Variants in CCDC146 observed in about 807,000 individuals in gnomAD.
CCDC146 encodes the protein coiled-coil domain containing 146.
Under a neutral mutation model 119.3 loss-of-function variants are expected in CCDC146, and 92 were observed. The ratio of observed to expected loss-of-function variants is 0.77; its 90% CI spans 0.65 to 0.92. CCDC146 has a LOEUF of 0.92. Among genes scored for constraint, CCDC146 ranks in the 40% least tolerant of loss-of-function variants. The pLI is 0.00. For synonymous variants in CCDC146, 372 were observed against 371.8 expected (o/e 1.00, Z -0.01); for missense variants, 1,000 against 1,103.0 (o/e 0.91, Z 1.32).
At chr7:77,281,700 A>G (rs1032088184) in intron 14 of CCDC146, among the ~76,000 whole-genome samples, 9 of 152,232 alleles carry the variant, frequency 5.9e-5, no homozygotes, top group Non-Finnish European at 1.3e-4. Flanking sequence ...GTACAACCAC[A>G]TGCATGCATG....
intron 2 of CCDC146, among the ~76,000 whole-genome samples, chr7:77,201,616 T>A (rs1018581487): frequency 1.3e-4 from 19 of 144,366 alleles, no homozygotes; most frequent in Non-Finnish European, 1.2e-4. Context: ...AAAAAAAAAA[T>A]GCAGTGTATA....
chr7:77,139,853 A>G (rs937948658), intron 1 of CCDC146, among the ~76,000 whole-genome samples: 6 of 150,274 alleles, frequency 4.0e-5, no homozygotes, highest in African/African-American at 1.5e-4. Flanking sequence ...ACAAAAATCA[A>G]TTCTCTCCCC....
chr7:77,244,908 C>T (rs1363331239), intron 4 of CCDC146, among the ~76,000 whole-genome samples: 3 of 152,176 alleles, frequency 2.0e-5, no homozygotes, highest in Non-Finnish European at 4.4e-5. Context: ...ATTTGTCAGA[C>T]CAGCACAACA....
chr7:77,267,597 AT>A (rs1371925570), intron 9 of CCDC146, among the ~76,000 whole-genome samples: 1 of 151,118 alleles, frequency 6.6e-6, no homozygotes, highest in African/African-American at 2.4e-5. Flanking sequence ...TCACAAATAC[AT>A]TTCTTGTCCC....
chr7:77,221,723 C>T (rs576101980), intron 2 of CCDC146, among the ~76,000 whole-genome samples: 1 of 152,270 alleles, frequency 6.6e-6, no homozygotes, highest in Non-Finnish European at 1.5e-5. Context: ...GATTTCAACA[C>T]ATAAAAATAA....
chr7:77,191,383 C>T (rs941062179), intron 2 of CCDC146, among the ~76,000 whole-genome samples: 15 of 152,302 alleles, frequency 9.8e-5, no homozygotes, highest in Middle Eastern at 6.8e-3. Context: ...CCAATCATAA[C>T]TGTGGCCTCT....
intron 2 of CCDC146, among the ~76,000 whole-genome samples, chr7:77,178,798 G>A (rs1791538643): frequency 6.6e-6 from 1 of 152,152 alleles, no homozygotes; most frequent in Admixed American, 6.5e-5. Context: ...AGAGAAGGTT[G>A]GCTTTGGAAA....
intron 2 of CCDC146, among the ~76,000 whole-genome samples, chr7:77,235,261 T>C (rs1031212540): frequency 6.6e-6 from 1 of 152,208 alleles, no homozygotes; most frequent in African/African-American, 2.4e-5. Context: ...GTAAATTTAT[T>C]CTTGCAGATT....
At chr7:77,258,892 A>G in intron 6 of CCDC146, 103 bp from the exon 7 acceptor site, 1 of 733,428 alleles carries the variant, frequency 1.4e-6, no homozygotes, top group Non-Finnish European at 2.4e-6. Context: ...GATGGTAAGT[A>G]TCTACATATT....
intron 9 of CCDC146, among the ~76,000 whole-genome samples, chr7:77,273,231 T>C (rs1401758393): frequency 6.6e-6 from 1 of 152,216 alleles, no homozygotes; most frequent in African/African-American, 2.4e-5. Context: ...TGAGGGGTAT[T>C]GTAATGATGA....
intron 2 of CCDC146, among the ~76,000 whole-genome samples, chr7:77,221,899 C>T (rs1446891696): frequency 6.6e-6 from 1 of 152,134 alleles, no homozygotes; most frequent in Non-Finnish European, 1.5e-5. Context: ...TAAAAGGGCT[C>T]ATACCTGAGT....
intron 18 of CCDC146, among the ~76,000 whole-genome samples, chr7:77,294,435 G>A (rs1794005718): frequency 6.7e-6 from 1 of 149,760 alleles, no homozygotes; most frequent in African/African-American, 2.5e-5. Flanking sequence ...TGATGCTGAA[G>A]CAATACAGCC....
At chr7:77,277,640 C>T (rs1050284886) in intron 11 of CCDC146, among the ~76,000 whole-genome samples, 7 of 152,122 alleles carry the variant, frequency 4.6e-5, no homozygotes, top group African/African-American at 1.7e-4. Flanking sequence ...ATAGATGACA[C>T]TACATTTTCC....
Position 77,237,004 on chromosome 7 carries a change from A to T in CCDC146, c.214A>T (p.Thr72Ser), listed in dbSNP as rs1422033085. Reference protein sequence around the residue: ...TRMAALKAKYTLLHDAVMSTQ... With the variant: ...TRMAALKAKYSLLHDAVMSTQ... ...AATGGCAGCGTTAAAAGCCAAGTAT[A>T]CCTTGCTGCATGACGCCGTGATGAG... Residue 72 changes from threonine to serine, a missense_variant, in exon 3 of 19, where the codon ACC becomes TCC. By Grantham distance (58) the Thr-to-Ser change is moderately conservative. Coordinates refer to ENST00000285871, the MANE Select transcript of CCDC146 (RefSeq NM_020879.3). The T allele has an allele frequency of 6.2e-7, 1 of 1,614,102 alleles. No individual in the cohort carries two copies. Among genetic ancestry groups the T allele is most frequent in the East Asian group, 2.2e-5 (1 of 44,892 alleles).
At chr7:77,140,249 G>T (rs1584018817) in intron 1 of CCDC146, among the ~76,000 whole-genome samples, 2 of 151,926 alleles carry the variant, frequency 1.3e-5, no homozygotes, top group Non-Finnish European at 1.5e-5. Flanking sequence ...AAATCTTAAA[G>T]TCACTTACAA....
At chr7:77,254,640 C>A in intron 5 of CCDC146, 77 bp downstream of exon 5, 1 of 787,848 alleles carries the variant, frequency 1.3e-6, no homozygotes, top group Non-Finnish European at 2.1e-6. Context: ...TAATGTTTAT[C>A]ACAACCACCA....
In CCDC146 at chr7:77,263,092, A is replaced by T. The variant is rs1793333029; in HGVS notation, c.1173+785A>T. Among the ~76,000 whole-genome samples the T allele has an allele frequency of 1.3e-5, 2 of 152,204 alleles. 1 individual carries two copies. Among genetic ancestry groups the T allele is most frequent in the Admixed American group, 1.3e-4 (2 of 15,276 alleles). ...GAACCTTATGGAGGGTCATGACCTA[A>T]GAAATTTGAACAGGAGTTTCCAGCT... On this transcript the variant is annotated intron_variant, in intron 9 of 18. Transcript: ENST00000285871.
chr7:77,270,293 A>G (rs73137935), intron 9 of CCDC146, among the ~76,000 whole-genome samples: 7 of 152,074 alleles, frequency 4.6e-5, no homozygotes, highest in Non-Finnish European at 8.8e-5. Flanking sequence ...GGGGAGTAGT[A>G]CTTGAAGCAG....
chr7:77,133,154 G>A (rs1790810794), intron 1 of CCDC146, among the ~76,000 whole-genome samples: 1 of 151,542 alleles, frequency 6.6e-6, no homozygotes, highest in South Asian at 2.1e-4. Flanking sequence ...CTGAGTGACA[G>A]AGCAAGACTC....
Sources: allele counts gnomAD v4.1 joint callset (sites outside exome capture counted in the v4.1 genomes callset), GRCh38; gene constraint gnomAD v4.1.1; transcripts MANE v1.5; gene names NCBI Gene and HGNC (gene_info 2026-07-23, HGNC 2026-07-21).